The following ZNF385D variants were observed in gnomAD, a reference collection of about 807,000 sequenced individuals.
The protein encoded by ZNF385D is zinc finger protein 385D, also known as zinc finger protein 659.
ZNF385D carries 15 observed loss-of-function variants against 35.8 expected under a neutral mutation model. The ratio of observed to expected loss-of-function variants is 0.42; its 90% confidence interval spans 0.28 to 0.64. The LOEUF is 0.64. ZNF385D is among the 30% of genes least tolerant of loss of function. The pLI, the probability that ZNF385D is intolerant of heterozygous loss-of-function variation, is 0.23. For synonymous variants in ZNF385D, 212 were observed against 186.8 expected (o/e 1.13, Z -1.10); for missense variants, 474 against 494.6 (o/e 0.96, Z 0.39).
chr3:21,612,165 G>A (rs1361195103), intron 2 of ZNF385D, among the ~76,000 whole-genome samples: 6 of 152,084 alleles, frequency 3.9e-5, no homozygotes, highest in Non-Finnish European at 7.4e-5. Context: ...TGCAACCTCC[G>A]CCTCCCAGGT....
intron 2 of ZNF385D, among the ~76,000 whole-genome samples, chr3:22,206,007 C>T (rs1243327338): frequency 6.6e-6 from 1 of 151,620 alleles, no homozygotes; most frequent in African/African-American, 2.4e-5. Flanking sequence ...TTGCCATATA[C>T]AAAAATCAAA....
chr3:21,877,880 A>G (rs1167193111), intron 3 of ZNF385D: 1 of 152,074 alleles, frequency 6.6e-6, no homozygotes, highest in African/African-American at 2.4e-5. Flanking sequence ...GAAGTTACAG[A>G]TGAACTTCTT....
intron 3 of ZNF385D, among the ~76,000 whole-genome samples, chr3:21,904,202 G>T (rs1179225121): frequency 6.6e-6 from 1 of 150,896 alleles, no homozygotes; most frequent in Non-Finnish European, 1.5e-5. Context: ...TACTCTGGAG[G>T]CTGAGGCAGG....
chr3:21,609,340 A>G (rs1361198319), intron 2 of ZNF385D, among the ~76,000 whole-genome samples: 2 of 152,226 alleles, frequency 1.3e-5, no homozygotes, highest in African/African-American at 4.8e-5. Flanking sequence ...CTTTCATTCC[A>G]GAATCACTAA....
chr3:22,004,958 A>C (rs1283620004), intron 3 of ZNF385D, among the ~76,000 whole-genome samples: 1 of 146,720 alleles, frequency 6.8e-6, no homozygotes, highest in Non-Finnish European at 1.5e-5. Context: ...CTTTTCACAG[A>C]TGGGTGTCCT....
intron 3 of ZNF385D, among the ~76,000 whole-genome samples, chr3:21,956,434 GGA>G (rs869037195): frequency 7.2e-6 from 1 of 138,674 alleles, no homozygotes; most frequent in South Asian, 2.4e-4. Flanking sequence ...AGTTTGAGTG[GGA>G]GAAGAAGAAA....
At chr3:22,345,281 G>A (rs1003581327) in intron 2 of ZNF385D, among the ~76,000 whole-genome samples, 3 of 152,006 alleles carry the variant, frequency 2.0e-5, no homozygotes, top group African/African-American at 4.8e-5. Flanking sequence ...AGAGCAAAAG[G>A]TTTCCAACTC....
intron 2 of ZNF385D, among the ~76,000 whole-genome samples, chr3:22,279,257 C>A (rs1701593838): frequency 6.6e-6 from 1 of 151,684 alleles, no homozygotes; most frequent in Non-Finnish European, 1.5e-5. Flanking sequence ...TCCCTCACAC[C>A]CCTCCCACTC....
chr3:21,696,718 C>T (rs2067483252), intron 1 of ZNF385D, among the ~76,000 whole-genome samples: 2 of 152,140 alleles, frequency 1.3e-5, no homozygotes, highest in African/African-American at 4.8e-5. Context: ...GGAACTATCC[C>T]ACAAAATAAT....
intron 2 of ZNF385D, among the ~76,000 whole-genome samples, chr3:21,644,945 C>T (rs2065708369): frequency 6.6e-6 from 1 of 152,056 alleles, no homozygotes; most frequent in Non-Finnish European, 1.5e-5. Context: ...ATAGATGACA[C>T]TCAAAACTGA....
intron 3 of ZNF385D, among the ~76,000 whole-genome samples, chr3:22,024,739 CATA>C (rs1307599778): frequency 1.3e-5 from 2 of 152,208 alleles, no homozygotes; most frequent in African/African-American, 2.4e-5. Flanking sequence ...TGACTCTATA[CATA>C]ATATTTTTGA....
At chr3:21,523,804 G>A (rs1559371542) in intron 3 of ZNF385D, among the ~76,000 whole-genome samples, 1 of 151,694 alleles carries the variant, frequency 6.6e-6, no homozygotes, top group Admixed American at 6.6e-5. Flanking sequence ...AATAAAACAT[G>A]TTTGCATTTG....
intron 2 of ZNF385D, among the ~76,000 whole-genome samples, chr3:21,573,522 C>G (rs1400274097): frequency 6.6e-6 from 1 of 152,080 alleles, no homozygotes; most frequent in Non-Finnish European, 1.5e-5. Context: ...GACTCATGGG[C>G]ACCAAGAGAT....
intron 3 of ZNF385D, among the ~76,000 whole-genome samples, chr3:22,159,978 CCCA>C (rs1279089383): frequency 6.6e-6 from 1 of 151,904 alleles, no homozygotes; most frequent in Non-Finnish European, 1.5e-5. Flanking sequence ...CTTTACAATC[CCCA>C]CGTGTCAAAG....
chr3:21,806,141 C>A (rs2072632201), intron 3 of ZNF385D, among the ~76,000 whole-genome samples: 1 of 151,722 alleles, frequency 6.6e-6, no homozygotes, highest in South Asian at 2.1e-4. Flanking sequence ...TACCTGCCTT[C>A]TTCCTTTCTC....
At chr3:21,996,190 T>C (rs1695454942) in intron 3 of ZNF385D, among the ~76,000 whole-genome samples, 1 of 152,178 alleles carries the variant, frequency 6.6e-6, no homozygotes, top group South Asian at 2.1e-4. Flanking sequence ...AATGCCATCA[T>C]GTGGACTCCC....
At chr3:22,191,518 C>T (rs542961789) in intron 2 of ZNF385D, among the ~76,000 whole-genome samples, 16 of 150,838 alleles carry the variant, frequency 1.1e-4, no homozygotes, top group Admixed American at 4.0e-4. Flanking sequence ...ACAATTTTTC[C>T]TAATGTGATC....
At chr3:21,751,529 C>A, upstream of ZNF385D, 3 of 819,648 alleles carry the variant, frequency 3.7e-6, no homozygotes, top group Non-Finnish European at 4.4e-6. Flanking sequence ...CCATTCTCTC[C>A]AAAATTTAAC....
intron 3 of ZNF385D, among the ~76,000 whole-genome samples, chr3:21,761,761 CT>C (rs11328256): frequency 0.81 from 122,866 of 151,724 alleles, 50,161 homozygotes; most frequent in East Asian, 0.98. Context: ...TGGATTCTTC[CT>C]TTTTTTTCTA....
Sources: gnomAD v4.1 joint callset for allele counts (sites outside exome capture counted in the v4.1 genomes callset) on GRCh38, gnomAD v4.1.1 for gene constraint, MANE v1.5 for transcripts, NCBI Gene and HGNC (gene_info 2026-07-23, HGNC 2026-07-21) for gene names.